The following DRC11 variants were observed in gnomAD, a reference collection of about 807,000 sequenced individuals.
DRC11 encodes the protein IQ and AAA domain-containing protein 1.
the DRC11 span, among the ~76,000 whole-genome samples, chr2:236,347,104 G>C: frequency 6.6e-6 from 1 of 152,194 alleles, no homozygotes. Context: ...GAAAACCCAG[G>C]CTGGAGTGCA....
chr2:236,326,345 G>A, the DRC11 span, among the ~76,000 whole-genome samples: 28 of 152,162 alleles, frequency 1.8e-4, no homozygotes, highest in Non-Finnish European at 3.5e-4. Flanking sequence ...ATGAAGGTCA[G>A]TGTCTTCAAC....
At chr2:236,460,904 G>C in the DRC11 span, among the ~76,000 whole-genome samples, 1 of 151,986 alleles carries the variant, frequency 6.6e-6, no homozygotes, top group Non-Finnish European at 1.5e-5. This position sits in a 1 kb window ranked among gnomAD's most constrained non-coding sequence, Gnocchi z 4.0. Flanking sequence ...ACAGGCGTCC[G>C]CCACCATGTC....
chr2:236,352,877 T>C, the DRC11 span, among the ~76,000 whole-genome samples: 1 of 152,182 alleles, frequency 6.6e-6, no homozygotes, highest in Non-Finnish European at 1.5e-5. This position sits in a 1 kb window ranked among gnomAD's most constrained non-coding sequence, Gnocchi z 7.0. Context: ...GGCTGAGAAT[T>C]TCCTTAGAAT....
chr2:236,457,684 TAGA>T, the DRC11 span, among the ~76,000 whole-genome samples: 3 of 151,862 alleles, frequency 2.0e-5, no homozygotes, highest in East Asian at 5.8e-4. The surrounding 1 kb of genome is among the most constrained non-coding windows in gnomAD (Gnocchi z 4.7). Context: ...AAGAGAGAGG[TAGA>T]AGGAGATTAG....
the DRC11 span, among the ~76,000 whole-genome samples, chr2:236,486,303 G>A: frequency 6.6e-6 from 1 of 152,200 alleles, no homozygotes; most frequent in Non-Finnish European, 1.5e-5. The surrounding 1 kb of genome is among the most constrained non-coding windows in gnomAD (Gnocchi z 5.7). Context: ...AGCCTTGTGA[G>A]ATCTGGAGGG....
At chr2:236,340,880 A>G in the DRC11 span, among the ~76,000 whole-genome samples, 1 of 152,114 alleles carries the variant, frequency 6.6e-6, no homozygotes, top group African/African-American at 2.4e-5. Context: ...TGAACAGGGG[A>G]CAGAAATTGG....
the DRC11 span, among the ~76,000 whole-genome samples, chr2:236,413,271 C>A: frequency 6.6e-6 from 1 of 152,232 alleles, no homozygotes; most frequent in Non-Finnish European, 1.5e-5. The surrounding 1 kb of genome is among the most constrained non-coding windows in gnomAD (Gnocchi z 4.0). Context: ...AGTTTACAAA[C>A]AACTGCAGGG....
chr2:236,459,393 C>T, the DRC11 span, among the ~76,000 whole-genome samples: 1 of 151,538 alleles, frequency 6.6e-6, no homozygotes. Flanking sequence ...AAAGATAGTT[C>T]TCCTTGGATG....
chr2:236,380,447 C>A, the DRC11 span: 1 of 760,592 alleles, frequency 1.3e-6, no homozygotes, highest in Non-Finnish European at 2.2e-6. The surrounding 1 kb of genome is among the most constrained non-coding windows in gnomAD (Gnocchi z 4.9). Context: ...GTGGCTCCCA[C>A]CACTCCGGGA....
the DRC11 span, chr2:236,392,305 T>C: frequency 1.3e-6 from 2 of 1,599,998 alleles, no homozygotes; most frequent in South Asian, 1.1e-5. This position sits in a 1 kb window ranked among gnomAD's most constrained non-coding sequence, Gnocchi z 5.1. Context: ...TTCTGGATCA[T>C]AGTCCTGAGA....
the DRC11 span, among the ~76,000 whole-genome samples, chr2:236,437,687 G>A: frequency 6.6e-6 from 1 of 151,636 alleles, no homozygotes; most frequent in Non-Finnish European, 1.5e-5. Flanking sequence ...TTTCTCTGAT[G>A]GCCAGTGATG....
the DRC11 span, among the ~76,000 whole-genome samples, chr2:236,484,651 A>G: frequency 5.3e-5 from 8 of 152,008 alleles, no homozygotes; most frequent in African/African-American, 1.9e-4. Flanking sequence ...CTACTGGGAA[A>G]AAAGGTGTGT....
At chr2:236,337,468 G>C in the DRC11 span, among the ~76,000 whole-genome samples, 5 of 152,156 alleles carry the variant, frequency 3.3e-5, no homozygotes. This position sits in a 1 kb window ranked among gnomAD's most constrained non-coding sequence, Gnocchi z 4.9. Context: ...CTAACACCTC[G>C]TGAGTGTCAC....
At chr2:236,492,444 A>G in the DRC11 span, among the ~76,000 whole-genome samples, 4 of 152,206 alleles carry the variant, frequency 2.6e-5, no homozygotes, top group African/African-American at 7.2e-5. Flanking sequence ...CATCCTCAGC[A>G]TACACTTGGA....
the DRC11 span, among the ~76,000 whole-genome samples, chr2:236,351,073 T>C: frequency 6.6e-6 from 1 of 152,218 alleles, no homozygotes; most frequent in Non-Finnish European, 1.5e-5. This position sits in a 1 kb window ranked among gnomAD's most constrained non-coding sequence, Gnocchi z 7.3. Context: ...CAGGTTTTGC[T>C]ATGTTTGGCC....
At chr2:236,358,055 ATAT>A in the DRC11 span, among the ~76,000 whole-genome samples, 2 of 119,448 alleles carry the variant, frequency 1.7e-5, no homozygotes, top group African/African-American at 6.8e-5. Flanking sequence ...ATATAGATAT[ATAT>A]TATATGAATA....
chr2:236,474,983 C>A, the DRC11 span, among the ~76,000 whole-genome samples: 1 of 152,260 alleles, frequency 6.6e-6, no homozygotes, highest in African/African-American at 2.4e-5. Context: ...TGGGAACATT[C>A]AAATCCTACT....
chr2:236,393,210 C>T, the DRC11 span, among the ~76,000 whole-genome samples: 1 of 152,134 alleles, frequency 6.6e-6, no homozygotes, highest in African/African-American at 2.4e-5. This position sits in a 1 kb window ranked among gnomAD's most constrained non-coding sequence, Gnocchi z 4.7. Context: ...CAACCGCCAC[C>T]CAGTCTGGCC....
chr2:236,473,726 CTATT>C, the DRC11 span, among the ~76,000 whole-genome samples: 2 of 151,554 alleles, frequency 1.3e-5, no homozygotes, highest in Non-Finnish European at 2.9e-5. This position sits in a 1 kb window ranked among gnomAD's most constrained non-coding sequence, Gnocchi z 4.8. Context: ...TTTTAGAGTG[CTATT>C]TATTTTTCTT....
Sources: gnomAD v4.1 joint callset for allele counts (sites outside exome capture counted in the v4.1 genomes callset) on GRCh38, gnomAD v4.1.1 for gene constraint, Gnocchi (gnomAD v3.1) non-coding constraint, MANE v1.5 for transcripts, NCBI Gene and HGNC (gene_info 2026-07-23, HGNC 2026-07-21) for gene names.